The following ZNF536 variants were observed in gnomAD, a reference collection of about 807,000 sequenced individuals.
The protein encoded by ZNF536 is zinc finger protein 536.
Under a neutral mutation model 84.5 loss-of-function variants are expected in ZNF536, and 13 were observed. The observed-to-expected ratio is 0.15, with a 90% confidence interval of 0.10 to 0.24. The LOEUF (loss-of-function observed/expected upper bound fraction) is 0.24. ZNF536 is among the 10% of genes least tolerant of loss of function. The probability of loss-of-function intolerance (pLI) is 1.00; values close to 1 mark genes in which losing one functional copy is unlikely to be tolerated. For synonymous variants in ZNF536, 811 were observed against 742.5 expected, an observed-to-expected ratio of 1.09 and a Z score of -1.50; for missense variants, 1,536 against 1,747.5, an observed-to-expected ratio of 0.88 and a Z score of 2.16.
chr19:30,660,325 T>G (rs2050079666), intron 1 of ZNF536, among the ~76,000 whole-genome samples: 1 of 152,214 alleles, frequency 6.6e-6, no homozygotes, highest in Non-Finnish European at 1.5e-5. Flanking sequence ...GTTGTTTGAC[T>G]ATTTCACCTA....
At chr19:30,318,764 A>G (rs1436439829) in intron 2 of ZNF536, among the ~76,000 whole-genome samples, 4 of 151,774 alleles carry the variant, frequency 2.6e-5, no homozygotes, top group Non-Finnish European at 5.9e-5. Flanking sequence ...ATTCACTGCA[A>G]TGTACCCGCA....
intron 2 of ZNF536, among the ~76,000 whole-genome samples, chr19:30,337,285 C>G (rs914857635): frequency 6.6e-6 from 1 of 152,122 alleles, no homozygotes; most frequent in African/African-American, 2.4e-5. Context: ...AGATGGCTGG[C>G]GTCCGCAATC....
At chr19:30,289,935 A>T (rs901100458) in intron 2 of ZNF536, among the ~76,000 whole-genome samples, 1 of 152,228 alleles carries the variant, frequency 6.6e-6, no homozygotes, top group Admixed American at 6.5e-5. Context: ...GTTCAGTGGC[A>T]TTAAATAGTT....
At chr19:30,575,893 G>A (rs914486480) in intron 1 of ZNF536, among the ~76,000 whole-genome samples, 5 of 152,188 alleles carry the variant, frequency 3.3e-5, no homozygotes, top group Admixed American at 6.5e-5. Context: ...ATATGTAGAA[G>A]AGGGGGAGGG....
At chr19:30,592,611 T>C (rs1338899444) in intron 1 of ZNF536, among the ~76,000 whole-genome samples, 2 of 152,102 alleles carry the variant, frequency 1.3e-5, no homozygotes, top group East Asian at 3.9e-4. Flanking sequence ...CACCATTCCA[T>C]AATGGATTTT....
At chr19:30,305,805 G>T (rs1354369549) in intron 2 of ZNF536, among the ~76,000 whole-genome samples, 1 of 152,226 alleles carries the variant, frequency 6.6e-6, no homozygotes, top group East Asian at 1.9e-4. Context: ...CCCCTGGTAG[G>T]CACTGGCTGG....
At chr19:30,356,750 A>G (rs377079576) in intron 3 of ZNF536, among the ~76,000 whole-genome samples, 4 of 152,248 alleles carry the variant, frequency 2.6e-5, no homozygotes, top group African/African-American at 9.6e-5. Flanking sequence ...TCATTCTCGC[A>G]TGTGCATTTC....
At chr19:30,643,617 C>T (rs1006875197) in intron 1 of ZNF536, among the ~76,000 whole-genome samples, 2 of 152,042 alleles carry the variant, frequency 1.3e-5, no homozygotes, top group South Asian at 4.1e-4. Context: ...AAGCCTTATT[C>T]TACTCTGGGG....
At chr19:30,695,185 A>C (rs891788912) in intron 1 of ZNF536, among the ~76,000 whole-genome samples, 1 of 152,134 alleles carries the variant, frequency 6.6e-6, no homozygotes, top group Non-Finnish European at 1.5e-5. Context: ...GACAGTGTGC[A>C]GGGGAGGGTG....
chr19:30,478,332 G>T (rs1379035546), intron 2 of ZNF536, among the ~76,000 whole-genome samples: 1 of 152,170 alleles, frequency 6.6e-6, no homozygotes, highest in Non-Finnish European at 1.5e-5. Context: ...ACGCGGGGTT[G>T]AGGAATGCTG....
intron 1 of ZNF536, among the ~76,000 whole-genome samples, chr19:30,707,143 T>A (rs1486155908): frequency 6.6e-6 from 1 of 152,118 alleles, no homozygotes; most frequent in East Asian, 1.9e-4. Flanking sequence ...GGCTCTGTGT[T>A]GTCTCTAAGA....
intron 1 of ZNF536, among the ~76,000 whole-genome samples, chr19:30,659,855 T>C (rs1346802218): frequency 6.6e-6 from 1 of 152,190 alleles, no homozygotes; most frequent in Non-Finnish European, 1.5e-5. Flanking sequence ...AACCATATCA[T>C]GTGTGCAAAG....
At chr19:30,465,217 A>G (rs1010313981) in intron 2 of ZNF536, among the ~76,000 whole-genome samples, 2 of 152,120 alleles carry the variant, frequency 1.3e-5, no homozygotes, top group African/African-American at 4.8e-5. Flanking sequence ...TAGTGGCCTC[A>G]GCATTGCCTG....
chr19:30,370,617 A>G (rs947561641), upstream of ZNF536, among the ~76,000 whole-genome samples: 1 of 152,192 alleles, frequency 6.6e-6, no homozygotes, highest in African/African-American at 2.4e-5. Context: ...GAAGATTATG[A>G]CAAAGAATGT....
intron 1 of ZNF536, among the ~76,000 whole-genome samples, chr19:30,628,588 C>T (rs933359931): frequency 1.3e-5 from 2 of 152,168 alleles, no homozygotes; most frequent in African/African-American, 4.8e-5. Flanking sequence ...GCCACCACGC[C>T]TGGCTAAGTT....
At chr19:30,608,670 C>G (rs760556453) in intron 1 of ZNF536, among the ~76,000 whole-genome samples, 4 of 152,162 alleles carry the variant, frequency 2.6e-5, no homozygotes, top group Non-Finnish European at 4.4e-5. Flanking sequence ...AACTGGGCCC[C>G]AGCAGCTTGG....
chr19:30,610,337 G>A (rs1475690211), intron 1 of ZNF536, among the ~76,000 whole-genome samples: 6 of 152,222 alleles, frequency 3.9e-5, no homozygotes. Flanking sequence ...GCAGTTCCAA[G>A]AGGCTGGGAG....
intron 1 of ZNF536, among the ~76,000 whole-genome samples, chr19:30,270,285 A>G (rs1021474159): frequency 2.6e-5 from 4 of 152,198 alleles, no homozygotes; most frequent in African/African-American, 7.2e-5. Context: ...TGAGTTGAGT[A>G]ATTATAATGC....
intron 2 of ZNF536, among the ~76,000 whole-genome samples, chr19:30,517,678 A>C (rs2044139322): frequency 6.6e-6 from 1 of 152,248 alleles, no homozygotes; most frequent in African/African-American, 2.4e-5. Context: ...GCTACTTGGG[A>C]GGCTGACACG....
Sources: gnomAD v4.1 joint callset for allele counts (sites outside exome capture counted in the v4.1 genomes callset) on GRCh38, gnomAD v4.1.1 for gene constraint, MANE v1.5 for transcripts, NCBI Gene and HGNC (gene_info 2026-07-23, HGNC 2026-07-21) for gene names.